The following POGZ variants were observed in gnomAD, a reference collection of about 807,000 sequenced individuals.
POGZ encodes the protein pogo transposable element derived with ZNF domain.
Under a neutral mutation model 134.6 loss-of-function variants are expected in POGZ, and 17 were observed. The observed-to-expected ratio is 0.13, with a 90% CI of 0.09 to 0.19. The LOEUF is 0.19. Ranked by LOEUF, POGZ falls within the 10% of genes least tolerant of loss-of-function variation. POGZ has a pLI of 1.00. For missense variants in POGZ, 1,306 were observed against 1,769.7 expected (o/e 0.74, Z 4.70); for synonymous variants, 693 against 657.1 (o/e 1.05, Z -0.84).
chr1:151,438,751 G>A (rs1215974304), intron 3 of POGZ, among the ~76,000 whole-genome samples: 1 of 152,150 alleles, frequency 6.6e-6, no homozygotes, highest in Non-Finnish European at 1.5e-5. Flanking sequence ...GGTGGCATGT[G>A]CCTGTAGTCC....
In POGZ at chr1:151,403,364, C is replaced by T; in HGVS notation, c.*1438G>A. 1.0e-6 allele frequency: 1 copy of T among 985,502 alleles called. No individual in the cohort carries two copies. Among genetic ancestry groups the T allele is most frequent in the East Asian group, 1.1e-4 (1 of 8,808 alleles). 61.0% of individuals were successfully genotyped at this position (985,502 alleles called of 1,614,324 possible). A position where few individuals can be genotyped will look rare whatever the true frequency, so the allele number is the denominator to read the frequency against. On this transcript the variant is annotated 3_prime_UTR_variant, in exon 19 of 19. Coordinates refer to ENST00000271715, the MANE Select transcript of POGZ (RefSeq NM_015100.4). ...AAAAAACAAGTTTATAAATCCATTT[C>T]CCCTCATTTTATTAAATGTTCCACT... is the stretch of plus-strand genomic sequence containing the variant.
At chr1:151,418,073 G>A (rs1363971716) in intron 10 of POGZ, among the ~76,000 whole-genome samples, 7 of 151,992 alleles carry the variant, frequency 4.6e-5, no homozygotes, top group East Asian at 1.9e-4. Flanking sequence ...AAAATTAGCC[G>A]GGCGTGGTGG....
chr1:151,408,773 T>G lies in POGZ; in HGVS notation c.1982A>C (p.Asp661Ala). The G allele has an allele frequency of 1.2e-6, 2 of 1,614,086 alleles. No individual in the cohort carries two copies. The highest frequency in any genetic ancestry group is 1.7e-6 in the Non-Finnish European group (2 of 1,179,986). ...KCRLQFLFAK[D>A]KIEHKLQHHK... ...GTGTTGAAGCTTGTGTTCAATTTTG[T>G]CCTTGGCAAAGAGAAACTGCAGCCG... The change falls in exon 13 of 19, where the codon GAC (aspartate) becomes GCC (alanine). Residue 661 changes from aspartate to alanine, a missense_variant. This residue lies in a region of POGZ where 149 missense variants were observed against 237.5 expected (regional missense o/e 0.63). Coordinates refer to ENST00000271715, the MANE Select transcript of POGZ (RefSeq NM_015100.4).
intron 10 of POGZ, among the ~76,000 whole-genome samples, chr1:151,421,953 A>G (rs944660622): frequency 6.6e-6 from 1 of 152,140 alleles, no homozygotes; most frequent in Non-Finnish European, 1.5e-5. Flanking sequence ...TGGTTTTGCC[A>G]TGTTGGCCAG....
In POGZ at chr1:151,416,210, CAAAAAAAAAA is replaced by C. The variant is rs1212371839; in HGVS notation, c.1679-3824_1679-3815del. ...GGGTGACAAGAGTGAAACTCCATCT[CAAAAAAAAAA>C]AAAAAAAAAAAAAAAGAAAAAGAAA... On this transcript the variant is annotated intron_variant, in intron 10 of 18. Coordinates refer to ENST00000271715, the MANE Select transcript of POGZ (RefSeq NM_015100.4). Among the ~76,000 whole-genome samples, 9 of 42,782 alleles carry C rather than the reference CAAAAAAAAAA, an allele frequency of 2.1e-4. No individual in the cohort carries two copies. The South Asian group carries it at 4.4e-3, about 21-fold the overall frequency. 28.1% of individuals were successfully genotyped at this position (42,782 alleles called of 152,430 possible).
At position 151,441,058 on chromosome 1, in the gene POGZ, A is replaced by T; in HGVS notation, c.153T>A (p.Ala51=). ...AAGCATGGGCAGCGATGGGCACTGG[A>T]GCCGAGACTGGCTGCTGGCTCACAG... is the stretch of plus-strand genomic sequence containing the variant. ...TVSVSQQPVS[A]PVPIAAHASV... is the part of the protein sequence containing the mutation. Residue 51 remains alanine, a synonymous_variant, in exon 3 of 19, where the codon GCT becomes GCA. Coordinates refer to ENST00000271715, the MANE Select transcript of POGZ (RefSeq NM_015100.4). 6.2e-7 allele frequency: 1 copy of T among 1,614,018 alleles called. No homozygotes were observed. Among genetic ancestry groups the T allele is most frequent in the Non-Finnish European group, 8.5e-7 (1 of 1,179,936 alleles).
intron 10 of POGZ, among the ~76,000 whole-genome samples, chr1:151,412,817 C>G (rs1249245435): frequency 6.6e-6 from 1 of 152,096 alleles, no homozygotes; most frequent in African/African-American, 2.4e-5. Context: ...CTTCTCTATA[C>G]TTATAATAAG....
chr1:151,449,448 T>C (rs910519642), intron 1 of POGZ, among the ~76,000 whole-genome samples: 5 of 152,014 alleles, frequency 3.3e-5, no homozygotes, highest in Admixed American at 2.6e-4. Context: ...CTACAATGCA[T>C]AGGATAGCCT....
In POGZ at chr1:151,428,136, C is replaced by T. The variant is rs547565116; in HGVS notation, c.846G>A (p.Thr282=). 38 of 1,614,076 alleles carry T rather than the reference C, an allele frequency of 2.4e-5. No individual in the cohort carries two copies. The highest frequency in any genetic ancestry group is 1.3e-4 in the Admixed American group (8 of 60,012). The stretch of plus-strand genomic sequence containing the variant: ...CCGAAGCCTTACCTAGCTTGGGATT[C>T]GTGGTCTGGTTTGACTGGCCTGGAG... The part of the protein sequence containing the change: ...VQSPGQSNQT[T]NPKLAPSFPS... The change falls in exon 6 of 19, where the codon ACG becomes ACA. Residue 282 remains threonine, a synonymous_variant. Coordinates refer to ENST00000271715, the MANE Select transcript of POGZ (RefSeq NM_015100.4).
chr1:151,425,255 G>A, intron 7 of POGZ, 194 bp from the exon 8 acceptor site: 1 of 435,694 alleles, frequency 2.3e-6, no homozygotes, highest in Middle Eastern at 7.2e-4. Context: ...AGGCTGGAGT[G>A]CAGTGGCACG....
chr1:151,426,058 AG>A, intron 7 of POGZ: 1 of 152,316 alleles, frequency 6.6e-6, no homozygotes, highest in Middle Eastern at 3.4e-3. Flanking sequence ...AATGGGAGTG[AG>A]ACGGTACCTC....
At chr1:151,456,429 T>G (rs1357591926) in intron 1 of POGZ, among the ~76,000 whole-genome samples, 1 of 152,168 alleles carries the variant, frequency 6.6e-6, no homozygotes, top group Non-Finnish European at 1.5e-5. Flanking sequence ...CACTTCATTT[T>G]CAAGAAATAT....
At position 151,404,771 on chromosome 1, in the gene POGZ, C is replaced by G; in HGVS notation, c.*31G>C. 1 of 1,559,524 alleles carries G rather than the reference C, an allele frequency of 6.4e-7. No homozygotes were observed. Among genetic ancestry groups the G allele is most frequent in the South Asian group, 1.2e-5 (1 of 82,106 alleles). ...TTACCCTCCCTCACATGTTCCCACC[C>G]TCACTCCACACCCCCTCATGACCCC... On this transcript the variant is annotated 3_prime_UTR_variant, in exon 19 of 19. Transcript: ENST00000271715.
rs1219873282 is a variant in POGZ at position 151,406,047 on chromosome 1, G to A, written c.2988C>T (p.Phe996=). ...CCNTEQAAEH[F]RNPQRRIRRW... Reference sequence around the variant, plus strand: ...GGCGAATACGTCGCTGGGGATTTCGGAAGTGTTCAGCTGCCTGTTCTGTAT... The same window carrying A: ...GGCGAATACGTCGCTGGGGATTTCGAAAGTGTTCAGCTGCCTGTTCTGTAT... The change falls in exon 19 of 19, where the codon TTC becomes TTT. Residue 996 remains phenylalanine (F), a synonymous_variant. Transcript: ENST00000271715. 1 of 1,614,208 alleles carries A rather than the reference G, an allele frequency of 6.2e-7. No homozygotes were observed. The highest frequency in any genetic ancestry group is 8.5e-7 in the Non-Finnish European group (1 of 1,180,026).
rs375928357 is a variant in POGZ, at chr1:151,411,782, T to G, written c.1780-11A>C. On this transcript the variant is annotated splice_polypyrimidine_tract_variant and intron_variant, in intron 11 of 18. Transcript: ENST00000271715. ...GCGATATTGACACACCTGAGTCACATAGGAGGGAAAATAAGGCTAAGAATG... is the reference window on the plus strand; with the variant it reads ...GCGATATTGACACACCTGAGTCACAGAGGAGGGAAAATAAGGCTAAGAATG... The G allele has an allele frequency of 6.2e-7, 1 of 1,602,996 alleles. No individual in the cohort carries two copies. Among genetic ancestry groups the G allele is most frequent in the African/African-American group, 1.4e-5 (1 of 73,944 alleles).
intron 1 of POGZ, among the ~76,000 whole-genome samples, chr1:151,444,539 G>A (rs1661002892): frequency 6.6e-6 from 1 of 152,126 alleles, no homozygotes; most frequent in South Asian, 2.1e-4. Context: ...AACCTCTGCC[G>A]ATGGTTTTCA....
chr1:151,455,898 T>TA (rs1305248317), intron 1 of POGZ, among the ~76,000 whole-genome samples: 2 of 141,064 alleles, frequency 1.4e-5, no homozygotes, highest in Admixed American at 1.6e-4. Context: ...TTCTTTCTTT[T>TA]TTTTTTTTTT....
chr1:151,422,586 A>C (rs1426530806), intron 10 of POGZ, among the ~76,000 whole-genome samples: 2 of 152,104 alleles, frequency 1.3e-5, no homozygotes, highest in African/African-American at 4.8e-5. Context: ...AAAGTACTTC[A>C]TAATATTATC....
At chr1:151,425,192 G>GGTTTTTGTTT (rs1303739231) in intron 7 of POGZ, 131 bp from the exon 8 acceptor site, 2 of 588,680 alleles carry the variant, frequency 3.4e-6, no homozygotes, top group Non-Finnish European at 6.3e-6. Flanking sequence ...AGATCACTAT[G>GGTTTTTGTTT]GTTTTTGTTT....
Sources: allele counts gnomAD v4.1 joint callset (sites outside exome capture counted in the v4.1 genomes callset), GRCh38; gene constraint gnomAD v4.1.1; regional missense constraint gnomAD v4.1.1; transcripts MANE v1.5; gene names NCBI Gene and HGNC (gene_info 2026-07-23, HGNC 2026-07-21).